The following TENM4 variants were observed in gnomAD, a reference collection of about 807,000 sequenced individuals.
TENM4 encodes the protein teneurin-4.
Under a neutral mutation model 243.3 loss-of-function variants are expected in TENM4, and 82 were observed. That is an observed-to-expected ratio of 0.34 (90% CI 0.28 to 0.40). The LOEUF is 0.40. TENM4 is among the 10% of genes least tolerant of loss of function. The pLI is 1.00. For synonymous variants in TENM4, 1,412 were observed against 1,456.3 expected, an observed-to-expected ratio of 0.97 and a Z score of 0.69; for missense variants, 3,138 against 3,673.3, an observed-to-expected ratio of 0.85 and a Z score of 3.77.
At chr11:79,269,168 C>T (rs1565276579) in intron 2 of TENM4, among the ~76,000 whole-genome samples, 5 of 152,196 alleles carry the variant, frequency 3.3e-5, no homozygotes, top group Admixed American at 2.0e-4. Context: ...ATGAGAATCA[C>T]CTGTACATGA....
At chr11:79,404,315 C>A (rs997643560) in intron 1 of TENM4, among the ~76,000 whole-genome samples, 2 of 152,136 alleles carry the variant, frequency 1.3e-5, no homozygotes, top group Admixed American at 1.3e-4. Flanking sequence ...GGATCTTTAA[C>A]CAAATGGCAA....
chr11:79,196,944 A>G (rs1863640377), intron 3 of TENM4, among the ~76,000 whole-genome samples: 1 of 152,184 alleles, frequency 6.6e-6, no homozygotes, highest in Non-Finnish European at 1.5e-5. Context: ...AGCAAGGCTT[A>G]TGGATGCGTG....
At chr11:78,710,332 C>T (rs771820012) in intron 26 of TENM4, among the ~76,000 whole-genome samples, 5 of 152,086 alleles carry the variant, frequency 3.3e-5, no homozygotes, top group East Asian at 1.9e-4. Context: ...GCCTTTGCTC[C>T]GGGGACCCAC....
At chr11:78,965,497 T>C (rs1857420221) in intron 6 of TENM4, among the ~76,000 whole-genome samples, 1 of 152,238 alleles carries the variant, frequency 6.6e-6, no homozygotes, top group Non-Finnish European at 1.5e-5. Context: ...GTTGTTAGAA[T>C]TTCAGACAAA....
intron 9 of TENM4, among the ~76,000 whole-genome samples, chr11:78,874,000 C>T (rs1859202792): frequency 6.6e-6 from 1 of 152,104 alleles, no homozygotes; most frequent in African/African-American, 2.4e-5. Flanking sequence ...TCCACCATCA[C>T]TCCCAGCCAA....
intron 9 of TENM4, among the ~76,000 whole-genome samples, chr11:78,886,384 A>C (rs1251623525): frequency 2.0e-5 from 3 of 152,186 alleles, no homozygotes; most frequent in Non-Finnish European, 4.4e-5. Flanking sequence ...CACAGCCTGT[A>C]ATTATGGCCA....
intron 4 of TENM4, among the ~76,000 whole-genome samples, chr11:79,074,675 T>TA (rs1860492790): frequency 6.6e-6 from 1 of 152,214 alleles, no homozygotes; most frequent in African/African-American, 2.4e-5. Flanking sequence ...GCTGAGCCTC[T>TA]ACAAGTGGTG....
chr11:78,762,607 T>G (rs78191987), intron 18 of TENM4, among the ~76,000 whole-genome samples: 7,036 of 152,296 alleles, frequency 0.046, 545 homozygotes, highest in African/African-American at 0.16. Context: ...ATCATTTATT[T>G]AACAAATATT....
At chr11:79,207,360 C>T (rs1430556523) in intron 3 of TENM4, among the ~76,000 whole-genome samples, 3 of 152,138 alleles carry the variant, frequency 2.0e-5, no homozygotes, top group Admixed American at 2.0e-4. Flanking sequence ...AGGTGGTGTC[C>T]CAAGTGCTTT....
chr11:78,670,386 A>G lies in TENM4; in HGVS notation c.5959T>C (p.Ser1987Pro). The change falls in exon 32 of 34, where the codon TCA (serine) becomes CCA (proline). Residue 1987 changes from serine (S) to proline (P), a missense_variant. By Grantham distance (74) the Ser-to-Pro change is moderately conservative. Around this residue, in one of 2 missense-constraint regions of TENM4, gnomAD observed 2,467 missense variants for 3,059.1 expected, o/e 0.81. Transcript: ENST00000278550. The stretch of plus-strand genomic sequence containing the variant: ...TCCTCAGTGAAGTCCTGTATGACTG[A>G]GGCATTGCCCTCAGGGGGCTGATAG... ...NIYQPPEGNA[S>P]VIQDFTEDGH... The G allele has an allele frequency of 6.2e-7, 1 of 1,613,932 alleles. No homozygotes were observed. Among genetic ancestry groups the G allele is most frequent in the Middle Eastern group, 1.6e-4 (1 of 6,062 alleles).
rs777322462 is a variant in TENM4, at chr11:78,688,127, C to A, written c.5187G>T (p.Glu1729Asp). Residue 1729 changes from glutamate to aspartate, a missense_variant, in exon 29 of 34, where the codon GAG (glutamate) becomes GAT (aspartate). Physicochemically the swap from Glu to Asp is conservative, Grantham distance 45. Transcript: ENST00000278550. Reference protein sequence around the residue: ...DTDSSVHVQVETSSKDDVTIT... With the variant: ...DTDSSVHVQVDTSSKDDVTIT... ...TGGTGACATCATCCTTGCTGGAGGT[C>A]TCTACCTGGACATGCACTGAACTGT... is the stretch of plus-strand genomic sequence containing the variant. 3 of 1,613,960 alleles carry A rather than the reference C, an allele frequency of 1.9e-6. No homozygotes were observed. In the South Asian group the frequency reaches 3.3e-5, roughly 18 times the overall value.
In TENM4 at chr11:78,767,556, G is replaced by A. The variant is rs554103329; in HGVS notation, c.2539+3436C>T. Among the ~76,000 whole-genome samples the A allele has an allele frequency of 9.2e-5, 14 of 152,332 alleles. No homozygotes were observed. The South Asian group carries it at 1.0e-3, about 11-fold the overall frequency. Reference sequence around the variant, plus strand: ...ATGACTTTCTCTGTGATTATGATGTGTGTGATGTCACCTCTCCTCTCTGGG... The same window carrying A: ...ATGACTTTCTCTGTGATTATGATGTATGTGATGTCACCTCTCCTCTCTGGG... On this transcript the variant is annotated intron_variant, in intron 18 of 33. Coordinates refer to ENST00000278550, the MANE Select transcript of TENM4 (RefSeq NM_001098816.3).
chr11:79,004,683 T>A (rs572882181), intron 6 of TENM4, among the ~76,000 whole-genome samples: 1 of 152,106 alleles, frequency 6.6e-6, no homozygotes, highest in South Asian at 2.1e-4. Context: ...ACATCACACC[T>A]ACACTAACTA....
chr11:78,851,385 T>C (rs1226063501), intron 12 of TENM4, among the ~76,000 whole-genome samples: 1 of 152,200 alleles, frequency 6.6e-6, no homozygotes. Context: ...TCCCTAATTA[T>C]GAGAAGACAG....
rs1859183625 is a variant in TENM4 at position 78,704,159 on chromosome 11, C to CTACATATATATATATATATA, written c.4210-1757_4210-1756insTATATATATATATATATGTA. Among the ~76,000 whole-genome samples, 3 of 106,028 alleles carry CTACATATATATATATATATA rather than the reference C, an allele frequency of 2.8e-5. No individual in the cohort carries two copies. The South Asian group carries it at 1.0e-3, about 36-fold the overall frequency. The allele number at this position is 106,028 out of a possible 152,430, so 69.6% of individuals were successfully genotyped here. A position where few individuals can be genotyped will look rare whatever the true frequency, so the allele number is the denominator to read the frequency against. On this transcript the variant is annotated intron_variant, in intron 27 of 33. Coordinates refer to ENST00000278550, the MANE Select transcript of TENM4 (RefSeq NM_001098816.3). ...TATGTCTATGTGTATGTATGTGTGT[C>CTACATATATATATATATATA]TATATATATATATATATATATATAT...
In TENM4 at chr11:78,728,524, C is replaced by T. The variant is rs576347339; in HGVS notation, c.3406+852G>A. On this transcript the variant is annotated intron_variant, in intron 22 of 33. Coordinates refer to ENST00000278550, the MANE Select transcript of TENM4 (RefSeq NM_001098816.3). Reference sequence around the variant, plus strand: ...GCTCCCTCCCTCCCTTCCCTCTTCCCGCCTCCTTCCCTCCCTCTCTTCCTC... The same window carrying T: ...GCTCCCTCCCTCCCTTCCCTCTTCCTGCCTCCTTCCCTCCCTCTCTTCCTC... Among the ~76,000 whole-genome samples the T allele has an allele frequency of 1.3e-4, 20 of 151,662 alleles. No individual in the cohort carries two copies. In the South Asian group the frequency reaches 2.5e-3, roughly 19 times the overall value.
intron 6 of TENM4, among the ~76,000 whole-genome samples, chr11:78,907,197 C>T (rs1225865635): frequency 6.6e-6 from 1 of 150,782 alleles, no homozygotes; most frequent in Non-Finnish European, 1.5e-5. Context: ...CAGAAAGAAA[C>T]ATTAACTTCC....
At chr11:78,721,075 G>T (rs1456296644) in intron 24 of TENM4, among the ~76,000 whole-genome samples, 1 of 152,194 alleles carries the variant, frequency 6.6e-6, no homozygotes, top group Non-Finnish European at 1.5e-5. Flanking sequence ...GGTCCAGGGA[G>T]GTTCAGTGAT....
At chr11:78,731,514 T>C (rs2135877524) in intron 21 of TENM4, among the ~76,000 whole-genome samples, 1 of 152,324 alleles carries the variant, frequency 6.6e-6, no homozygotes, top group East Asian at 1.9e-4. Flanking sequence ...AATAGGCACA[T>C]TGCCTGAGTT....
Sources: gnomAD v4.1 joint callset for allele counts (sites outside exome capture counted in the v4.1 genomes callset) on GRCh38, gnomAD v4.1.1 for gene constraint, gnomAD v4.1.1 regional missense constraint, MANE v1.5 for transcripts, NCBI Gene and HGNC (gene_info 2026-07-23, HGNC 2026-07-21) for gene names.